The following KCNIP4 variants were observed in gnomAD, a reference collection of about 807,000 sequenced individuals.
KCNIP4 encodes the protein Kv channel-interacting protein 4.
In KCNIP4, 12 loss-of-function variants were observed where a neutral mutation model predicts 34.0. That is an observed-to-expected ratio of 0.35 (90% CI 0.23 to 0.57). The LOEUF (loss-of-function observed/expected upper bound fraction) is 0.57, where lower values mean the gene tolerates loss of function less well. Ranked by LOEUF, KCNIP4 falls within the 20% of genes least tolerant of loss-of-function variation. The pLI, the probability that KCNIP4 is intolerant of heterozygous loss-of-function variation, is 0.83. For synonymous variants in KCNIP4, 124 were observed against 102.2 expected (o/e 1.21, Z -1.29); for missense variants, 238 against 311.7 (o/e 0.76, Z 1.78).
chr4:21,445,198 C>A (rs1025326748), intron 1 of KCNIP4, among the ~76,000 whole-genome samples: 1 of 152,102 alleles, frequency 6.6e-6, no homozygotes, highest in Non-Finnish European at 1.5e-5. Context: ...GGCCATACTG[C>A]CCAAGGTAAT....
intron 1 of KCNIP4, among the ~76,000 whole-genome samples, chr4:21,346,440 T>C (rs1310385865): frequency 6.7e-6 from 1 of 149,404 alleles, no homozygotes; most frequent in Non-Finnish European, 1.5e-5. Context: ...CCTCTAAACC[T>C]AACCAAGATT....
chr4:21,165,449 CAAAAAAAA>C (rs1161082468), intron 1 of KCNIP4, among the ~76,000 whole-genome samples: 1 of 620 alleles, frequency 1.6e-3, no homozygotes, highest in Non-Finnish European at 2.5e-3. Flanking sequence ...TTGAAAGCAT[CAAAAAAAA>C]AAAAAAAAAA....
intron 1 of KCNIP4, among the ~76,000 whole-genome samples, chr4:21,698,307 G>A (rs932348354): frequency 6.6e-6 from 1 of 152,172 alleles, no homozygotes; most frequent in Non-Finnish European, 1.5e-5. Flanking sequence ...CTAGAAACCA[G>A]AAATCTTAAG....
chr4:21,916,171 AGACGT>A (rs920267172), intron 1 of KCNIP4, among the ~76,000 whole-genome samples: 5 of 152,250 alleles, frequency 3.3e-5, no homozygotes, highest in Non-Finnish European at 7.3e-5. Flanking sequence ...TTAAGAGTAA[AGACGT>A]GACTATATGT....
Position 21,147,954 on chromosome 4 carries a change from A to G in KCNIP4, c.62-265245T>C, listed in dbSNP as rs1173987925. Among the ~76,000 whole-genome samples, 7 of 138,626 alleles carry G rather than the reference A, an allele frequency of 5.0e-5. 1 individual carries two copies. In the South Asian group the frequency reaches 7.2e-4, roughly 14 times the overall value. The allele number at this position is 138,626 out of a possible 152,430, so 90.9% of individuals were successfully genotyped here. On this transcript the variant is annotated intron_variant, in intron 1 of 8. Coordinates refer to ENST00000382152, the MANE Select transcript of KCNIP4 (RefSeq NM_025221.6). ...AACTCCGTCTCAAAAAAAAAAAAAA[A>G]AAAAAAGAAAAAAAGTTCAAGTACT...
chr4:20,773,335 G>T (rs1230622177), intron 3 of KCNIP4, among the ~76,000 whole-genome samples: 4 of 152,150 alleles, frequency 2.6e-5, no homozygotes, highest in Non-Finnish European at 5.9e-5. Flanking sequence ...GCTATGAAGG[G>T]AACAATTATC....
chr4:21,147,751 C>A (rs2109232815), intron 1 of KCNIP4, among the ~76,000 whole-genome samples: 1 of 151,534 alleles, frequency 6.6e-6, no homozygotes, highest in Non-Finnish European at 1.5e-5. Flanking sequence ...CCAGCCTGAC[C>A]AACATGGTGA....
intron 1 of KCNIP4, among the ~76,000 whole-genome samples, chr4:21,524,844 A>T (rs1187110265): frequency 6.6e-6 from 1 of 152,290 alleles, no homozygotes; most frequent in East Asian, 1.9e-4. Flanking sequence ...CATAACAGGA[A>T]GTCAATAAAT....
intron 1 of KCNIP4, among the ~76,000 whole-genome samples, chr4:21,728,939 G>A (rs1424469863): frequency 6.6e-6 from 1 of 152,052 alleles, no homozygotes; most frequent in Non-Finnish European, 1.5e-5. Flanking sequence ...TTACTCCACA[G>A]TTTCTTCCAA....
At chr4:21,434,454 G>C (rs949799565) in intron 1 of KCNIP4, among the ~76,000 whole-genome samples, 2 of 152,070 alleles carry the variant, frequency 1.3e-5, no homozygotes, top group African/African-American at 4.8e-5. Flanking sequence ...AGAAACATTA[G>C]CATCATGTAA....
At position 20,796,146 on chromosome 4, in the gene KCNIP4, CAG is replaced by C. The variant is rs58585929; in HGVS notation, c.289-37258_289-37257del. 3.8e-3 allele frequency among the ~76,000 whole-genome samples: 586 copies of C among 152,252 alleles called. 6 individuals are homozygous for C. Among genetic ancestry groups the C allele is most frequent in the African/African-American group, 0.013 (536 of 41,544 alleles). ...ATGTTTTCTTCTTTGATCTTAAAGA[CAG>C]AGATAAAATGTACATATTTTCTTAG... On this transcript the variant is annotated intron_variant, in intron 3 of 8. Coordinates refer to ENST00000382152, the MANE Select transcript of KCNIP4 (RefSeq NM_025221.6).
At chr4:20,762,800 T>C (rs553612309) in intron 3 of KCNIP4, among the ~76,000 whole-genome samples, 34 of 152,316 alleles carry the variant, frequency 2.2e-4, no homozygotes, top group African/African-American at 7.7e-4. Context: ...GTTAGTTCAT[T>C]TCCACACTGC....
At chr4:21,210,840 T>G (rs1165315858) in intron 1 of KCNIP4, among the ~76,000 whole-genome samples, 1 of 152,182 alleles carries the variant, frequency 6.6e-6, no homozygotes, top group Non-Finnish European at 1.5e-5. Context: ...ATGAGAGTTA[T>G]GGACAGAAAC....
At chr4:21,559,696 G>C (rs1739364879) in intron 1 of KCNIP4, among the ~76,000 whole-genome samples, 1 of 152,060 alleles carries the variant, frequency 6.6e-6, no homozygotes, top group South Asian at 2.1e-4. Context: ...AGACCTTCTA[G>C]ACTATGCAGA....
At chr4:20,993,027 C>CA (rs11416440) in intron 1 of KCNIP4, among the ~76,000 whole-genome samples, 22,156 of 41,742 alleles carry the variant, frequency 0.53, 6,014 homozygotes, top group African/African-American at 0.62. Flanking sequence ...GACTCCATCT[C>CA]AAAAAAAAAA....
chr4:21,356,274 CCT>C (rs1008815705), intron 1 of KCNIP4, among the ~76,000 whole-genome samples: 2 of 152,124 alleles, frequency 1.3e-5, no homozygotes, highest in East Asian at 3.8e-4. Flanking sequence ...ACAAGGATGC[CCT>C]CTCTCACCAT....
intron 1 of KCNIP4, among the ~76,000 whole-genome samples, chr4:21,468,339 C>T (rs1000509446): frequency 4.1e-4 from 63 of 152,092 alleles, no homozygotes; most frequent in African/African-American, 1.2e-3. Flanking sequence ...AGAATCTGAA[C>T]AAGGCAAGTA....
At chr4:21,098,991 GA>G (rs1423509317) in intron 1 of KCNIP4, among the ~76,000 whole-genome samples, 1 of 152,164 alleles carries the variant, frequency 6.6e-6, no homozygotes, top group African/African-American at 2.4e-5. Flanking sequence ...AGGCTGCAGA[GA>G]AAAAGGAACG....
intron 1 of KCNIP4, among the ~76,000 whole-genome samples, chr4:21,255,857 G>T (rs776967535): frequency 6.6e-6 from 1 of 152,040 alleles, no homozygotes; most frequent in South Asian, 2.1e-4. Flanking sequence ...ACAATAACCC[G>T]GATGCTTTAT....
Sources: gnomAD v4.1 joint callset for allele counts (sites outside exome capture counted in the v4.1 genomes callset) on GRCh38, gnomAD v4.1.1 for gene constraint, MANE v1.5 for transcripts, NCBI Gene and HGNC (gene_info 2026-07-23, HGNC 2026-07-21) for gene names.